SUGCT: variants seen among roughly 807,000 people sequenced by gnomAD.
The protein encoded by SUGCT is succinyl-CoA:glutarate CoA-transferase.
SUGCT carries 41 observed loss-of-function variants against 55.0 expected under a neutral mutation model. The ratio of observed to expected loss-of-function variants is 0.74; its 90% confidence interval spans 0.58 to 0.97. SUGCT has a LOEUF of 0.97. SUGCT is among the 50% of genes least tolerant of loss of function. The pLI, the probability that SUGCT is intolerant of heterozygous loss-of-function variation, is 0.00. For synonymous variants in SUGCT, 187 were observed against 200.4 expected (o/e 0.93, Z 0.56); for missense variants, 568 against 547.8 (o/e 1.04, Z -0.37).
intron 12 of SUGCT, among the ~76,000 whole-genome samples, chr7:40,593,321 G>T (rs573097550): frequency 6.6e-6 from 1 of 152,194 alleles, no homozygotes; most frequent in African/African-American, 2.4e-5. Flanking sequence ...CACATGCCCA[G>T]CAACCAGTGC....
chr7:40,872,561 C>A, the SUGCT span, among the ~76,000 whole-genome samples: 1 of 152,140 alleles, frequency 6.6e-6, no homozygotes, highest in Non-Finnish European at 1.5e-5. Flanking sequence ...GCCGCATCCC[C>A]CTCTGGGCCA....
At chr7:40,281,042 C>A (rs185297574) in intron 8 of SUGCT, among the ~76,000 whole-genome samples, 26 of 152,270 alleles carry the variant, frequency 1.7e-4, no homozygotes, top group Non-Finnish European at 2.9e-4. Flanking sequence ...AAATTACATT[C>A]TATAACTGCA....
rs557911961 is a variant in SUGCT at position 40,476,608 on chromosome 7, A to G, written c.986+17410A>G. On this transcript the variant is annotated intron_variant, in intron 11 of 13. Coordinates refer to ENST00000335693, the MANE Select transcript of SUGCT (RefSeq NM_001193313.2). Reference sequence around the variant, plus strand: ...TACATTGGTTGTATTTTTTACTTCAATTGGCTCATATACTACCCTGTTGTA... The same window carrying G: ...TACATTGGTTGTATTTTTTACTTCAGTTGGCTCATATACTACCCTGTTGTA... Among the ~76,000 whole-genome samples the G allele has an allele frequency of 1.0e-3, 154 of 152,110 alleles. 1 individual carries two copies. The highest frequency in any genetic ancestry group is 3.5e-3 in the African/African-American group (145 of 41,518).
chr7:40,990,325 C>T, the SUGCT span, among the ~76,000 whole-genome samples: 1 of 152,202 alleles, frequency 6.6e-6, no homozygotes, highest in Non-Finnish European at 1.5e-5. Flanking sequence ...TGCAGAACTG[C>T]AATAACCTAA....
chr7:40,846,519 T>A (rs1433387819), intron 13 of SUGCT, among the ~76,000 whole-genome samples: 1 of 152,172 alleles, frequency 6.6e-6, no homozygotes, highest in African/African-American at 2.4e-5. Flanking sequence ...GGGCCATATA[T>A]TTTTCCAGTA....
intron 13 of SUGCT, among the ~76,000 whole-genome samples, chr7:40,760,473 CAG>C (rs1788477058): frequency 6.6e-6 from 1 of 152,062 alleles, no homozygotes; most frequent in Admixed American, 6.6e-5. Context: ...TTACAGAATA[CAG>C]AGTTTCACTT....
intron 9 of SUGCT, among the ~76,000 whole-genome samples, chr7:40,422,717 C>T (rs1024749722): frequency 5.3e-5 from 8 of 151,402 alleles, no homozygotes; most frequent in African/African-American, 1.9e-4. Flanking sequence ...TAATTTATCA[C>T]ATTTAAACTA....
chr7:40,146,649 C>T (rs570962466), intron 1 of SUGCT, among the ~76,000 whole-genome samples: 17 of 152,346 alleles, frequency 1.1e-4, no homozygotes, highest in South Asian at 6.2e-4. Flanking sequence ...GGTTTAAGAA[C>T]GCCTTAAGCG....
the SUGCT span, among the ~76,000 whole-genome samples, chr7:41,027,058 AG>A: frequency 6.6e-6 from 1 of 152,218 alleles, no homozygotes; most frequent in Non-Finnish European, 1.5e-5. Flanking sequence ...TTAAAAAAAA[AG>A]TTTACACAAA....
chr7:40,527,220 A>G (rs1793847095), intron 12 of SUGCT, among the ~76,000 whole-genome samples: 1 of 152,212 alleles, frequency 6.6e-6, no homozygotes, highest in South Asian at 2.1e-4. Context: ...TTCTTTTTCA[A>G]ATCAAAGGCA....
intron 12 of SUGCT, among the ~76,000 whole-genome samples, chr7:40,545,248 A>C (rs1794927530): frequency 2.0e-5 from 3 of 152,214 alleles, no homozygotes; most frequent in African/African-American, 7.2e-5. Context: ...AGTTGAAGAA[A>C]GTCATGACAT....
At chr7:40,870,938 C>T in the SUGCT span, among the ~76,000 whole-genome samples, 46 of 152,202 alleles carry the variant, frequency 3.0e-4, no homozygotes, top group African/African-American at 1.0e-3. Flanking sequence ...CCTTTCAACA[C>T]GCTCCTACCT....
intron 7 of SUGCT, among the ~76,000 whole-genome samples, chr7:40,261,684 G>A: frequency 6.6e-6 from 1 of 152,180 alleles, no homozygotes; most frequent in East Asian, 1.9e-4. Flanking sequence ...CAGGGAGTTA[G>A]ACCAAATGTC....
At chr7:40,185,742 C>A (rs1785467970) in intron 3 of SUGCT, among the ~76,000 whole-genome samples, 1 of 152,050 alleles carries the variant, frequency 6.6e-6, no homozygotes. Flanking sequence ...AGGCTGGTCT[C>A]AAACTCCTGA....
chr7:40,815,455 C>G (rs1362589400), intron 13 of SUGCT, among the ~76,000 whole-genome samples: 2 of 152,134 alleles, frequency 1.3e-5, no homozygotes, highest in Non-Finnish European at 2.9e-5. Context: ...GATCTCTGCA[C>G]AAGAAGGCTG....
intron 12 of SUGCT, among the ~76,000 whole-genome samples, chr7:40,743,600 T>C (rs1787578112): frequency 1.3e-5 from 2 of 152,220 alleles, no homozygotes; most frequent in Non-Finnish European, 2.9e-5. Flanking sequence ...ACCCAGTTTT[T>C]CCTCAGCACT....
chr7:40,865,784 C>T, the SUGCT span, among the ~76,000 whole-genome samples: 42 of 152,256 alleles, frequency 2.8e-4, no homozygotes, highest in African/African-American at 9.9e-4. Flanking sequence ...CTTCAGGTGG[C>T]GGTGAATAGT....
chr7:40,380,196 A>G (rs1357915991), intron 9 of SUGCT, among the ~76,000 whole-genome samples: 1 of 152,088 alleles, frequency 6.6e-6, no homozygotes, highest in Non-Finnish European at 1.5e-5. Context: ...GCTGGTTTTC[A>G]CTGTGATTGC....
intron 13 of SUGCT, among the ~76,000 whole-genome samples, chr7:40,813,001 T>C (rs769978740): frequency 1.3e-4 from 20 of 152,140 alleles, no homozygotes; most frequent in Non-Finnish European, 2.4e-4. Flanking sequence ...GGCAAGTTCT[T>C]TCATTTGCCC....
Sources: gnomAD v4.1 joint callset for allele counts (sites outside exome capture counted in the v4.1 genomes callset) on GRCh38, gnomAD v4.1.1 for gene constraint, MANE v1.5 for transcripts, NCBI Gene and HGNC (gene_info 2026-07-23, HGNC 2026-07-21) for gene names.